The following ZNF468 variants were observed in gnomAD, a reference collection of about 807,000 sequenced individuals.
The protein encoded by ZNF468 is zinc finger protein ZNF468.
ZNF468 carries 8 observed loss-of-function variants against 7.2 expected under a neutral mutation model. That is an observed-to-expected ratio of 1.11 (90% CI 0.65 to 2.01). The LOEUF is 2.01. Ranked by LOEUF, ZNF468 falls within the 30% of genes most tolerant of loss-of-function variation. The pLI, the probability that ZNF468 is intolerant of heterozygous loss-of-function variation, is 0.00. For synonymous variants in ZNF468, 218 were observed against 214.4 expected (o/e 1.02, Z -0.15); for missense variants, 608 against 626.5 (o/e 0.97, Z 0.31).
chr19:52,845,872 G>A (rs1286122061), intron 3 of ZNF468, among the ~76,000 whole-genome samples: 4 of 151,748 alleles, frequency 2.6e-5, no homozygotes, highest in East Asian at 3.9e-4. Flanking sequence ...CTGTGGTGGC[G>A]CATGCCTGTA....
intron 3 of ZNF468, among the ~76,000 whole-genome samples, chr19:52,846,103 TA>T (rs765762614): frequency 1.3e-5 from 2 of 152,124 alleles, no homozygotes; most frequent in African/African-American, 2.4e-5. Context: ...TTATTTGAAA[TA>T]AAAGGCATGA....
chr19:52,847,676 T>C (rs1367385493), intron 3 of ZNF468, among the ~76,000 whole-genome samples: 1 of 152,136 alleles, frequency 6.6e-6, no homozygotes, highest in African/African-American at 2.4e-5. Context: ...TCTGTTACTC[T>C]TTCCTACACT....
In ZNF468 at chr19:52,840,839, A is replaced by G. The variant is rs912526985; in HGVS notation, c.1455T>C (p.His485=). 1 of 1,595,486 alleles carries G rather than the reference A, an allele frequency of 6.3e-7. No individual in the cohort carries two copies. Among genetic ancestry groups the G allele is most frequent in the Non-Finnish European group, 8.5e-7 (1 of 1,171,506 alleles). The change falls in exon 4 of 4, where the codon CAT becomes CAC. Residue 485 remains histidine, a synonymous_variant. Transcript: ENST00000595646. ...TFGQTSSLII[H]RRLHTGEKPY... is the part of the protein sequence containing the mutation. ...GTTTCTCTCCAGTATGAAGCCTACGATGGATTATAAGCGATGATGTCTGAC... is the reference window on the plus strand; with the variant it reads ...GTTTCTCTCCAGTATGAAGCCTACGGTGGATTATAAGCGATGATGTCTGAC...
At position 52,840,875 on chromosome 19, in the gene ZNF468, G is replaced by A. The variant is rs1189540932; in HGVS notation, c.1419C>T (p.Gly473=). 1 of 1,613,774 alleles carries A rather than the reference G, an allele frequency of 6.2e-7. No homozygotes were observed. Among genetic ancestry groups the A allele is most frequent in the East Asian group, 2.2e-5 (1 of 44,866 alleles). Residue 473 remains glycine (G), a synonymous_variant, in exon 4 of 4, where the codon GGC becomes GGT. Transcript: ENST00000595646. ...GEKPYKCNEC[G]KTFGQTSSLI... Reference sequence around the variant, plus strand: ...GCGATGATGTCTGACCGAAGGTCTTGCCACACTCATTACACTTGTAAGGTT... The same window carrying A: ...GCGATGATGTCTGACCGAAGGTCTTACCACACTCATTACACTTGTAAGGTT...
chr19:52,845,866 G>T (rs2063338194), intron 3 of ZNF468, among the ~76,000 whole-genome samples: 1 of 151,996 alleles, frequency 6.6e-6, no homozygotes, highest in Non-Finnish European at 1.5e-5. Flanking sequence ...AGATGGCTGT[G>T]GTGGCGCATG....
At chr19:52,853,821 A>G in intron 2 of ZNF468, 1 of 1,188,008 alleles carries the variant, frequency 8.4e-7, no homozygotes, top group South Asian at 3.7e-5. Flanking sequence ...ATGTGGTATA[A>G]AATCAGGGAG....
intron 2 of ZNF468, among the ~76,000 whole-genome samples, chr19:52,850,859 A>G (rs1350310818): frequency 2.6e-5 from 4 of 151,942 alleles, no homozygotes; most frequent in African/African-American, 7.2e-5. Context: ...AGATCGCGCC[A>G]CTGCACTCCA....
intron 3 of ZNF468, among the ~76,000 whole-genome samples, chr19:52,847,821 C>A (rs1436723025): frequency 6.6e-6 from 1 of 152,106 alleles, no homozygotes; most frequent in African/African-American, 2.4e-5. Flanking sequence ...CACCTGTTGC[C>A]CTGCTACACT....
At position 52,841,285 on chromosome 19, in the gene ZNF468, C is replaced by T. The variant is rs772352377; in HGVS notation, c.1009G>A (p.Ala337Thr). ...YKCKVCDEAF[A>T]YNSYLAKHTI... ...TGTTTTGCCAGATATGAATTATATG[C>T]GAAAGCCTCATCACAAACCTTACAT... The change falls in exon 4 of 4, where the codon GCA becomes ACA. Residue 337 changes from alanine to threonine, a missense_variant. Ala to Thr is a moderately conservative substitution (Grantham distance 58). Transcript: ENST00000595646. 19 of 1,610,300 alleles carry T rather than the reference C, an allele frequency of 1.2e-5. No individual in the cohort carries two copies. The highest frequency in any genetic ancestry group is 6.7e-5 in the East Asian group (3 of 44,750).
chr19:52,847,765 T>G (rs2063352695), intron 3 of ZNF468, among the ~76,000 whole-genome samples: 1 of 152,178 alleles, frequency 6.6e-6, no homozygotes, highest in African/African-American at 2.4e-5. Context: ...AACTTATTCA[T>G]GATACAAATT....
intron 1 of ZNF468, among the ~76,000 whole-genome samples, chr19:52,855,840 T>C (rs1167483825): frequency 1.3e-5 from 2 of 152,260 alleles, no homozygotes; most frequent in Non-Finnish European, 2.9e-5. Context: ...TGAGCTTTTC[T>C]GGTCTAGCCC....
chr19:52,850,289 G>A (rs965289794), intron 2 of ZNF468, among the ~76,000 whole-genome samples: 1 of 152,086 alleles, frequency 6.6e-6, no homozygotes, highest in African/African-American at 2.4e-5. Flanking sequence ...CCTAGAAGCA[G>A]TAATCACCCT....
chr19:52,846,067 T>C lies in ZNF468; in HGVS notation c.142+3020A>G, dbSNP rs1159718587. Among the ~76,000 whole-genome samples the C allele has an allele frequency of 2.6e-5, 4 of 152,162 alleles. No homozygotes were observed. In the East Asian group the frequency reaches 7.7e-4, roughly 29 times the overall value. On this transcript the variant is annotated intron_variant, in intron 3 of 3. Coordinates refer to ENST00000595646, the MANE Select transcript of ZNF468 (RefSeq NM_001008801.2). Reference sequence around the variant, plus strand: ...ACAGAAACTGGCATATGTATACCTTTTCTTCATAACTAAACTTTTTTCATA... The same window carrying C: ...ACAGAAACTGGCATATGTATACCTTCTCTTCATAACTAAACTTTTTTCATA...
chr19:52,841,945 T>C lies in ZNF468; in HGVS notation c.349A>G (p.Lys117Glu). The change falls in exon 4 of 4, where the codon AAA (lysine) becomes GAA (glutamate). Residue 117 changes from lysine (K) to glutamate (E), a missense_variant. Lys to Glu is a moderately conservative substitution (Grantham distance 56). Transcript: ENST00000595646. The stretch of plus-strand genomic sequence containing the variant: ...TGGCCTGTACTACCAGCCAACTCTT[T>C]GATTTCTGTCATGGGTGCTGCATGG... ...NGHAAPMTEI[K>E]ELAGSTGQHD... 2.5e-6 allele frequency: 4 copies of C among 1,613,878 alleles called. No homozygotes were observed. The South Asian group carries it at 4.4e-5, about 18-fold the overall frequency.
chr19:52,857,336 C>A (rs182094213), intron 1 of ZNF468, among the ~76,000 whole-genome samples: 38 of 152,172 alleles, frequency 2.5e-4, no homozygotes, highest in Non-Finnish European at 4.1e-4. Context: ...GAAAACTACG[C>A]GATAGGAAAC....
chr19:52,841,528 G>C lies in ZNF468; in HGVS notation c.766C>G (p.Arg256Gly). The part of the protein sequence containing the change: ...DVCGKVFNQK[R>G]YLACHRRCHT... The stretch of plus-strand genomic sequence containing the variant: ...CATCTACGATGGCAGGCAAGGTATC[G>C]CTTCTGATTAAAGACCTTGCCACAT... Residue 256 changes from arginine (R) to glycine (G), a missense_variant, in exon 4 of 4, where the codon CGA becomes GGA. By Grantham distance (125) the Arg-to-Gly change is moderately radical. Transcript: ENST00000595646. The C allele has an allele frequency of 6.2e-7, 1 of 1,614,080 alleles. No individual in the cohort carries two copies. Among genetic ancestry groups the C allele is most frequent in the Non-Finnish European group, 8.5e-7 (1 of 1,180,006 alleles).
chr19:52,855,541 G>A (rs1217962148), intron 1 of ZNF468, among the ~76,000 whole-genome samples: 3 of 152,228 alleles, frequency 2.0e-5, no homozygotes, highest in Admixed American at 6.5e-5. Flanking sequence ...TTTTGTCCTG[G>A]GGAACACGGG....
chr19:52,854,022 T>A (rs761903679), intron 2 of ZNF468: 90 of 1,494,220 alleles, frequency 6.0e-5, no homozygotes, highest in Non-Finnish European at 7.9e-5. Flanking sequence ...CCCGTGTCCA[T>A]CCATGTCGGG....
chr19:52,841,672 C>T lies in ZNF468; in HGVS notation c.622G>A (p.Val208Ile), dbSNP rs753181773. 3.9e-5 allele frequency: 63 copies of T among 1,613,924 alleles called. No individual in the cohort carries two copies. Among genetic ancestry groups the T allele is most frequent in the Middle Eastern group, 1.6e-4 (1 of 6,084 alleles). The change falls in exon 4 of 4, where the codon GTA (valine) becomes ATA (isoleucine). Residue 208 changes from valine to isoleucine, a missense_variant. Transcript: ENST00000595646. ...HSSLLTQKWE[V>I]HMREKSFECI... is the part of the protein sequence containing the mutation. ...TCAAAAGATTTTTCTCTCATGTGTACTTCCCATTTTTGTGTGAGTAATGAA... is the reference window on the plus strand; with the variant it reads ...TCAAAAGATTTTTCTCTCATGTGTATTTCCCATTTTTGTGTGAGTAATGAA...
Sources: allele counts gnomAD v4.1 joint callset (sites outside exome capture counted in the v4.1 genomes callset), GRCh38; gene constraint gnomAD v4.1.1; transcripts MANE v1.5; gene names NCBI Gene and HGNC (gene_info 2026-07-23, HGNC 2026-07-21).